Variants in LRMDA observed in about 807,000 individuals in gnomAD.
LRMDA encodes leucine rich melanocyte differentiation associated.
LRMDA carries 18 observed loss-of-function variants against 29.8 expected under a neutral mutation model. The ratio of observed to expected loss-of-function variants is 0.60; its 90% CI spans 0.42 to 0.90. The LOEUF is 0.90. Ranked by LOEUF, LRMDA falls within the 40% of genes least tolerant of loss-of-function variation. LRMDA has a pLI of 0.00. For missense variants in LRMDA, 273 were observed against 273.9 expected, an observed-to-expected ratio of 1.00 and a Z score of 0.02; for synonymous variants, 125 against 109.4, an observed-to-expected ratio of 1.14 and a Z score of -0.89.
intron 6 of LRMDA, among the ~76,000 whole-genome samples, chr10:76,534,119 A>C (rs895572615): frequency 1.3e-5 from 2 of 152,234 alleles, no homozygotes; most frequent in South Asian, 2.1e-4. Context: ...CCCATAACTC[A>C]CAGTAAAATT....
chr10:76,071,097 C>G (rs1848868999), intron 5 of LRMDA, among the ~76,000 whole-genome samples: 1 of 152,172 alleles, frequency 6.6e-6, no homozygotes, highest in Non-Finnish European at 1.5e-5. Flanking sequence ...ACTCAACTCT[C>G]TTAATCCTCC....
intron 5 of LRMDA, among the ~76,000 whole-genome samples, chr10:76,243,976 AG>A (rs1190819632): frequency 1.3e-5 from 2 of 152,204 alleles, no homozygotes; most frequent in Non-Finnish European, 2.9e-5. Context: ...ATAGACACCC[AG>A]AGGAGAGATT....
At chr10:76,167,277 T>C (rs1209497467) in intron 5 of LRMDA, among the ~76,000 whole-genome samples, 1 of 152,270 alleles carries the variant, frequency 6.6e-6, no homozygotes, top group Admixed American at 6.5e-5. Context: ...ACTCTGTTGA[T>C]AGTTTCTTTT....
intron 2 of LRMDA, among the ~76,000 whole-genome samples, chr10:75,630,812 TAA>T (rs1234454110): frequency 6.6e-6 from 1 of 152,234 alleles, no homozygotes; most frequent in Non-Finnish European, 1.5e-5. Flanking sequence ...ACAGACTGAA[TAA>T]AGACTTGGGC....
chr10:76,541,447 G>C (rs1843354258), intron 6 of LRMDA, among the ~76,000 whole-genome samples: 1 of 152,176 alleles, frequency 6.6e-6, no homozygotes, highest in Admixed American at 6.5e-5. Flanking sequence ...GCTGCAGTGA[G>C]CCCAGATCGC....
intron 6 of LRMDA, among the ~76,000 whole-genome samples, chr10:76,415,922 T>C (rs1442221566): frequency 1.3e-5 from 2 of 152,188 alleles, no homozygotes; most frequent in Non-Finnish European, 1.5e-5. Flanking sequence ...CTTGCATGGC[T>C]TTGTAGAAGG....
At chr10:76,299,516 G>A (rs748015419) in intron 5 of LRMDA, among the ~76,000 whole-genome samples, 1 of 151,870 alleles carries the variant, frequency 6.6e-6, no homozygotes, top group Non-Finnish European at 1.5e-5. Flanking sequence ...TGTGGAATCC[G>A]TGCTCCCTTC....
intron 2 of LRMDA, among the ~76,000 whole-genome samples, chr10:75,578,058 T>A (rs1840530959): frequency 6.6e-6 from 1 of 151,612 alleles, no homozygotes; most frequent in Non-Finnish European, 1.5e-5. Flanking sequence ...TAAATGTAAA[T>A]GGGCTAAATG....
chr10:75,592,724 A>G (rs115939459), intron 2 of LRMDA, among the ~76,000 whole-genome samples: 1,898 of 152,324 alleles, frequency 0.012, 36 homozygotes, highest in African/African-American at 0.043. Context: ...ATGGCTGTCA[A>G]TCTATTTTAA....
chr10:76,160,940 C>T (rs1850635496), intron 5 of LRMDA, among the ~76,000 whole-genome samples: 1 of 152,056 alleles, frequency 6.6e-6, no homozygotes, highest in African/African-American at 2.4e-5. Flanking sequence ...AACCAAGCCA[C>T]GTGATTGAGA....
intron 2 of LRMDA, among the ~76,000 whole-genome samples, chr10:75,600,595 G>A (rs919450688): frequency 6.6e-6 from 1 of 152,186 alleles, no homozygotes; most frequent in Non-Finnish European, 1.5e-5. Context: ...AGTGCCAGAA[G>A]AAAAGGCTTC....
intron 6 of LRMDA, among the ~76,000 whole-genome samples, chr10:76,461,754 C>T (rs367987917): frequency 1.3e-5 from 2 of 152,146 alleles, no homozygotes; most frequent in East Asian, 1.9e-4. Flanking sequence ...GGGTGTTTTA[C>T]ACAGAATCAC....
intron 2 of LRMDA, among the ~76,000 whole-genome samples, chr10:75,692,784 T>C (rs1187966614): frequency 6.6e-6 from 1 of 151,966 alleles, no homozygotes; most frequent in East Asian, 1.9e-4. Context: ...AGAGGCCTGG[T>C]GGAGAGGGGA....
chr10:75,700,208 T>C (rs1170200055), intron 2 of LRMDA, among the ~76,000 whole-genome samples: 1 of 151,904 alleles, frequency 6.6e-6, no homozygotes, highest in Non-Finnish European at 1.5e-5. Context: ...ATGATTCATT[T>C]ATTAAAGTCA....
At chr10:76,498,395 C>G (rs115500419) in intron 6 of LRMDA, among the ~76,000 whole-genome samples, 2,479 of 75,354 alleles carry the variant, frequency 0.033, 746 homozygotes, top group African/African-American at 0.076. Flanking sequence ...TTCAGCATTT[C>G]TACTTGTAGT....
intron 2 of LRMDA, among the ~76,000 whole-genome samples, chr10:75,824,518 A>G (rs1341279127): frequency 6.6e-6 from 1 of 152,224 alleles, no homozygotes; most frequent in Non-Finnish European, 1.5e-5. Context: ...CTCTGATCTA[A>G]ATAATTCTAG....
intron 2 of LRMDA, among the ~76,000 whole-genome samples, chr10:75,671,410 C>T (rs533164038): frequency 9.1e-4 from 138 of 152,186 alleles, no homozygotes; most frequent in South Asian, 1.7e-3. Flanking sequence ...TCTTTGACAC[C>T]GTAGATCTCC....
At chr10:76,521,203 G>A (rs1480328552) in intron 6 of LRMDA, among the ~76,000 whole-genome samples, 3 of 149,996 alleles carry the variant, frequency 2.0e-5, no homozygotes, top group East Asian at 2.0e-4. Flanking sequence ...GCGCGATCTC[G>A]GCTCACTGCA....
chr10:75,715,917 A>T (rs1257442596), intron 2 of LRMDA, among the ~76,000 whole-genome samples: 2 of 152,016 alleles, frequency 1.3e-5, no homozygotes, highest in Non-Finnish European at 2.9e-5. Context: ...GAGAATGTAA[A>T]TTGTTCATTA....
Sources: allele counts gnomAD v4.1 joint callset (sites outside exome capture counted in the v4.1 genomes callset), GRCh38; gene constraint gnomAD v4.1.1; transcripts MANE v1.5; gene names NCBI Gene and HGNC (gene_info 2026-07-23, HGNC 2026-07-21).